The following STXBP4 variants were observed in gnomAD, a reference collection of about 807,000 sequenced individuals.
STXBP4 encodes syntaxin binding protein 4.
STXBP4 carries 55 observed loss-of-function variants against 76.1 expected under a neutral mutation model. The observed-to-expected ratio is 0.72, with a 90% CI of 0.58 to 0.91. The LOEUF (loss-of-function observed/expected upper bound fraction) is 0.91. Ranked by LOEUF, STXBP4 falls within the 40% of genes least tolerant of loss-of-function variation. The pLI, the probability that STXBP4 is intolerant of heterozygous loss-of-function variation, is 0.00. For missense variants in STXBP4, 618 were observed against 636.9 expected, an observed-to-expected ratio of 0.97 and a Z score of 0.32; for synonymous variants, 201 against 220.2, an observed-to-expected ratio of 0.91 and a Z score of 0.77.
intron 4 of STXBP4, among the ~76,000 whole-genome samples, chr17:54,996,312 C>G (rs1294789308): frequency 2.7e-5 from 4 of 150,546 alleles, no homozygotes; most frequent in African/African-American, 9.8e-5. Context: ...TGGTTTGAGG[C>G]ACATTCTCTG....
At chr17:54,998,842 AT>A (rs34718481) in intron 4 of STXBP4, among the ~76,000 whole-genome samples, 35,400 of 150,636 alleles carry the variant, frequency 0.24, 4,595 homozygotes, top group South Asian at 0.31. Context: ...TGAAAATTTA[AT>A]TTTTTTTTTT....
intron 16 of STXBP4, among the ~76,000 whole-genome samples, chr17:55,091,173 T>G (rs1342785402): frequency 6.6e-6 from 1 of 150,928 alleles, no homozygotes; most frequent in Non-Finnish European, 1.5e-5. Flanking sequence ...TGCCACTAAT[T>G]AAAGTTGAAA....
chr17:54,973,348 A>G (rs2077426131), intron 1 of STXBP4, among the ~76,000 whole-genome samples: 1 of 152,210 alleles, frequency 6.6e-6, no homozygotes, highest in Non-Finnish European at 1.5e-5. Flanking sequence ...TTTCTTTTCT[A>G]TATTAGGAAA....
chr17:55,180,080 A>G, the STXBP4 span, among the ~76,000 whole-genome samples: 2 of 152,192 alleles, frequency 1.3e-5, no homozygotes, highest in Non-Finnish European at 2.9e-5. Flanking sequence ...GCCCTGCCAC[A>G]TACTAGCTTT....
the STXBP4 span, among the ~76,000 whole-genome samples, chr17:55,201,258 G>T: frequency 1.3e-5 from 2 of 152,060 alleles, no homozygotes; most frequent in African/African-American, 4.8e-5. Context: ...CTAAGCTTTG[G>T]TATTTTTATA....
intron 16 of STXBP4, among the ~76,000 whole-genome samples, chr17:55,117,990 T>C (rs2079801851): frequency 6.6e-6 from 1 of 151,960 alleles, no homozygotes; most frequent in South Asian, 2.1e-4. Flanking sequence ...TAATTACATA[T>C]AGTGGTAAGT....
intron 16 of STXBP4, 136 bp downstream of exon 16, chr17:55,081,319 C>A: frequency 1.7e-6 from 1 of 576,898 alleles, no homozygotes; most frequent in Non-Finnish European, 2.7e-6. Context: ...ATTAATGTAC[C>A]AATCATAGGA....
the STXBP4 span, among the ~76,000 whole-genome samples, chr17:55,208,088 T>C: frequency 4.0e-5 from 6 of 150,938 alleles, no homozygotes; most frequent in Admixed American, 3.3e-4. Context: ...TAACATAATG[T>C]GTTTTAATCC....
At chr17:55,189,309 A>T in the STXBP4 span, among the ~76,000 whole-genome samples, 1 of 152,362 alleles carries the variant, frequency 6.6e-6, no homozygotes, top group Admixed American at 6.5e-5. Flanking sequence ...ACTGATGACC[A>T]CTTTTCCTCT....
intron 13 of STXBP4, among the ~76,000 whole-genome samples, chr17:55,075,174 C>T (rs1373748237): frequency 6.6e-6 from 1 of 151,964 alleles, no homozygotes; most frequent in African/African-American, 2.4e-5. Context: ...TAATCACTTT[C>T]TTGGATTTAT....
intron 16 of STXBP4, among the ~76,000 whole-genome samples, chr17:55,103,766 A>C (rs997060612): frequency 4.6e-5 from 7 of 152,220 alleles, no homozygotes; most frequent in African/African-American, 1.7e-4. Context: ...ATCCATGAGC[A>C]TGGAATGTTT....
intron 4 of STXBP4, among the ~76,000 whole-genome samples, chr17:54,995,355 T>C (rs1158153838): frequency 6.6e-6 from 1 of 152,214 alleles, no homozygotes; most frequent in African/African-American, 2.4e-5. Context: ...TTTCTTTTGT[T>C]GCTGGTAACA....
intron 11 of STXBP4, 116 bp from the exon 12 acceptor site, chr17:55,046,973 T>C: frequency 1.7e-6 from 1 of 577,030 alleles, no homozygotes; most frequent in Non-Finnish European, 3.1e-6. Flanking sequence ...GGAGCAATAT[T>C]TTCAGATTGT....
chr17:55,149,660 C>A (rs1055460338), intron 17 of STXBP4, among the ~76,000 whole-genome samples: 1 of 152,114 alleles, frequency 6.6e-6, no homozygotes, highest in Non-Finnish European at 1.5e-5. Context: ...CAGATGGAAA[C>A]CAGTAGCCAA....
At chr17:55,190,596 T>C in the STXBP4 span, among the ~76,000 whole-genome samples, 1 of 152,094 alleles carries the variant, frequency 6.6e-6, no homozygotes, top group Admixed American at 6.6e-5. Context: ...ATTGCATAGA[T>C]GCCAAATAAT....
intron 4 of STXBP4, among the ~76,000 whole-genome samples, chr17:54,995,803 C>G (rs1202767036): frequency 6.6e-6 from 1 of 152,198 alleles, no homozygotes; most frequent in African/African-American, 2.4e-5. Context: ...GTGTCACTCT[C>G]TTTATTCCTT....
At chr17:55,000,257 T>C (rs2077886483) in intron 6 of STXBP4, 1 of 985,274 alleles carries the variant, frequency 1.0e-6, no homozygotes, top group Admixed American at 6.2e-5. Context: ...GCATCCAATC[T>C]AAGAAGGTAT....
chr17:55,150,792 C>T (rs553214545), intron 17 of STXBP4, among the ~76,000 whole-genome samples: 4 of 152,260 alleles, frequency 2.6e-5, no homozygotes, highest in African/African-American at 9.6e-5. Flanking sequence ...AAAATGTTCA[C>T]ATCTTATTCC....
chr17:55,030,143 C>A (rs2078480909), intron 8 of STXBP4, among the ~76,000 whole-genome samples: 1 of 152,102 alleles, frequency 6.6e-6, no homozygotes, highest in South Asian at 2.1e-4. Flanking sequence ...TTAGAAATTT[C>A]TTTCACACCA....
Sources: gnomAD v4.1 joint callset for allele counts (sites outside exome capture counted in the v4.1 genomes callset) on GRCh38, gnomAD v4.1.1 for gene constraint, MANE v1.5 for transcripts, NCBI Gene and HGNC (gene_info 2026-07-23, HGNC 2026-07-21) for gene names.